DENND5B: variants seen among roughly 807,000 people sequenced by gnomAD.
The protein encoded by DENND5B is DENN domain-containing protein 5B.
In DENND5B, 34 loss-of-function variants were observed where a neutral mutation model predicts 140.6. The ratio of observed to expected loss-of-function variants is 0.24; its 90% confidence interval spans 0.18 to 0.32. DENND5B has a LOEUF of 0.32. Among genes scored for constraint, DENND5B ranks in the 10% least tolerant of loss-of-function variants. DENND5B has a pLI of 1.00. For missense variants in DENND5B, 1,142 were observed against 1,560.2 expected (o/e 0.73, Z 4.52); for synonymous variants, 551 against 562.1 (o/e 0.98, Z 0.28).
chr12:31,418,436 A>G (rs986907630), intron 11 of DENND5B, among the ~76,000 whole-genome samples: 1 of 149,768 alleles, frequency 6.7e-6, no homozygotes, highest in Non-Finnish European at 1.5e-5. Context: ...ATGCCACCAC[A>G]CCTGGCTAAT....
At chr12:31,540,931 G>A (rs1219829872) in intron 1 of DENND5B, 1 of 433,616 alleles carries the variant, frequency 2.3e-6, no homozygotes. Context: ...TTAGACAAAG[G>A]TGCCGAGAAC....
At chr12:31,507,721 G>A (rs750235696) in intron 1 of DENND5B, among the ~76,000 whole-genome samples, 8 of 152,204 alleles carry the variant, frequency 5.3e-5, no homozygotes, top group Middle Eastern at 3.4e-3. Flanking sequence ...AATGTCATGC[G>A]CTTGCCAGTG....
chr12:31,538,315 C>A (rs1948572165), intron 1 of DENND5B, among the ~76,000 whole-genome samples: 1 of 152,086 alleles, frequency 6.6e-6, no homozygotes, highest in Non-Finnish European at 1.5e-5. Context: ...TATAAAGCAT[C>A]TTCTCTGACC....
At chr12:31,531,289 T>C (rs1454389822) in intron 1 of DENND5B, among the ~76,000 whole-genome samples, 3 of 152,100 alleles carry the variant, frequency 2.0e-5, no homozygotes, top group Non-Finnish European at 4.4e-5. Flanking sequence ...AATCTCCGCC[T>C]CCTGGGTTCA....
Position 31,409,385 on chromosome 12 carries a change from C to T in DENND5B, c.2682-1G>A. 6.5e-7 allele frequency: 1 copy of T among 1,540,420 alleles called. No individual in the cohort carries two copies. The highest frequency in any genetic ancestry group is 8.8e-7 in the Non-Finnish European group (1 of 1,142,496). On this transcript the variant is annotated splice_acceptor_variant, in intron 13 of 20. Transcript: ENST00000389082. LOFTEE classifies it high-confidence loss of function. ...AAAAGCATATCGCTTATAAAGCTTC[C>T]TAGGAAAGGGTAAGACAAGCACAAG...
intron 1 of DENND5B, among the ~76,000 whole-genome samples, chr12:31,510,824 A>G (rs1247368321): frequency 6.6e-6 from 1 of 152,190 alleles, no homozygotes; most frequent in East Asian, 1.9e-4. Context: ...AGCAGAACCT[A>G]GACTGCTCTT....
intron 1 of DENND5B, among the ~76,000 whole-genome samples, chr12:31,510,549 G>GGGAC (rs1947371298): frequency 6.6e-6 from 1 of 152,142 alleles, no homozygotes; most frequent in Non-Finnish European, 1.5e-5. Context: ...TAGAGCTAAG[G>GGGAC]TCCCCGTTTC....
At chr12:31,404,936 T>A (rs1193728614) in intron 14 of DENND5B, among the ~76,000 whole-genome samples, 1 of 151,788 alleles carries the variant, frequency 6.6e-6, no homozygotes, top group Non-Finnish European at 1.5e-5. Context: ...TTTTTTGTAT[T>A]TTTAGTAGAG....
At chr12:31,453,399 A>G (rs1388377257) in intron 4 of DENND5B, among the ~76,000 whole-genome samples, 1 of 152,224 alleles carries the variant, frequency 6.6e-6, no homozygotes, top group Admixed American at 6.5e-5. Context: ...AGAAAATTCA[A>G]GAGGCCAAGC....
intron 1 of DENND5B, among the ~76,000 whole-genome samples, chr12:31,507,118 G>A (rs553819656): frequency 1.3e-4 from 20 of 152,042 alleles, no homozygotes; most frequent in African/African-American, 4.1e-4. Context: ...CATTCCCGTC[G>A]TCACTCAGGA....
rs757096259 is a variant in DENND5B, at chr12:31,480,134, T to A, written c.359A>T (p.Tyr120Phe). 1 of 1,611,836 alleles carries A rather than the reference T, an allele frequency of 6.2e-7. No homozygotes were observed. The highest frequency in any genetic ancestry group is 1.3e-5 in the African/African-American group (1 of 75,006). The change falls in exon 3 of 21, where the codon TAT becomes TTT. Residue 120 changes from tyrosine to phenylalanine, a missense_variant. Around this residue, in one of 5 missense-constraint regions of DENND5B, gnomAD observed 708 missense variants for 905.5 expected, o/e 0.78. Transcript: ENST00000389082. ...SRTYGFVLTFYEEVTSKQICT... is the reference protein window; with the variant it reads ...SRTYGFVLTFFEEVTSKQICT... Reference sequence around the variant, plus strand: ...GATTTGCTTACTTGTAACTTCTTCATAAAAAGTGAGAACAAAACCATAGGT... The same window carrying A: ...GATTTGCTTACTTGTAACTTCTTCAAAAAAAGTGAGAACAAAACCATAGGT...
At chr12:31,536,018 G>A (rs2139125030) in intron 1 of DENND5B, among the ~76,000 whole-genome samples, 1 of 152,194 alleles carries the variant, frequency 6.6e-6, no homozygotes. Context: ...GCAAGATCTG[G>A]TTGTTTAGAA....
chr12:31,441,953 G>A (rs1374935287), intron 7 of DENND5B, among the ~76,000 whole-genome samples: 1 of 152,148 alleles, frequency 6.6e-6, no homozygotes, highest in Non-Finnish European at 1.5e-5. Context: ...AAAGTGCTGA[G>A]GTTACAGGCG....
At chr12:31,497,419 T>G (rs940499901) in intron 1 of DENND5B, among the ~76,000 whole-genome samples, 4 of 152,000 alleles carry the variant, frequency 2.6e-5, no homozygotes, top group Non-Finnish European at 5.9e-5. Flanking sequence ...CAGACATCCT[T>G]AAGGAGAGTT....
chr12:31,441,053 T>C, intron 7 of DENND5B, among the ~76,000 whole-genome samples: 1 of 151,654 alleles, frequency 6.6e-6, no homozygotes, highest in African/African-American at 2.4e-5. Context: ...AAAAAAAATT[T>C]TTGTAGGGGC....
intron 10 of DENND5B, 73 bp downstream of exon 10, chr12:31,424,462 A>AT: frequency 7.0e-7 from 1 of 1,438,712 alleles, no homozygotes; most frequent in Non-Finnish European, 9.2e-7. Flanking sequence ...TTAATGACAT[A>AT]TTTGTCTCCT....
intron 11 of DENND5B, among the ~76,000 whole-genome samples, chr12:31,419,566 T>C (rs1046717638): frequency 2.0e-5 from 3 of 152,344 alleles, no homozygotes; most frequent in East Asian, 3.9e-4. Flanking sequence ...TGTATGTTTC[T>C]ACAGTACCAT....
At chr12:31,534,608 A>T (rs948690355) in intron 1 of DENND5B, 2 of 169,328 alleles carry the variant, frequency 1.2e-5, no homozygotes, top group Admixed American at 6.4e-5. Context: ...TTACCACTGA[A>T]TTTTTGTAGT....
At chr12:31,403,952 C>G (rs911257764) in intron 14 of DENND5B, among the ~76,000 whole-genome samples, 6 of 146,056 alleles carry the variant, frequency 4.1e-5, no homozygotes, top group Non-Finnish European at 7.5e-5. Flanking sequence ...CACGGGGGCT[C>G]ATGTCTGTAA....
Sources: allele counts gnomAD v4.1 joint callset (sites outside exome capture counted in the v4.1 genomes callset), GRCh38; gene constraint gnomAD v4.1.1; regional missense constraint gnomAD v4.1.1; transcripts MANE v1.5; gene names NCBI Gene and HGNC (gene_info 2026-07-23, HGNC 2026-07-21).